The following USP32 variants were observed in gnomAD, a reference collection of about 807,000 sequenced individuals.
USP32 encodes the protein ubiquitin carboxyl-terminal hydrolase 32.
Under a neutral mutation model 204.8 loss-of-function variants are expected in USP32, and 59 were observed. The ratio of observed to expected loss-of-function variants is 0.29; its 90% CI spans 0.23 to 0.36. USP32 has a LOEUF of 0.36. Among genes scored for constraint, USP32 ranks in the 10% least tolerant of loss-of-function variants. The pLI is 1.00. For synonymous variants in USP32, 517 were observed against 678.4 expected, an observed-to-expected ratio of 0.76 and a Z score of 3.70; for missense variants, 1,160 against 1,946.4, an observed-to-expected ratio of 0.60 and a Z score of 7.60.
chr17:60,407,563 G>A (rs1197353145), intron 1 of USP32, among the ~76,000 whole-genome samples: 1 of 151,984 alleles, frequency 6.6e-6, no homozygotes, highest in Non-Finnish European at 1.5e-5. Flanking sequence ...TAACAATCTG[G>A]TACAACAAAG....
chr17:60,243,280 T>C (rs1440009634), intron 11 of USP32, among the ~76,000 whole-genome samples: 4 of 152,248 alleles, frequency 2.6e-5, no homozygotes, highest in African/African-American at 4.8e-5. Flanking sequence ...CAGGGTTTTC[T>C]ACACATAGGA....
At chr17:60,285,258 C>A (rs1395266739) in intron 5 of USP32, among the ~76,000 whole-genome samples, 8 of 152,054 alleles carry the variant, frequency 5.3e-5, no homozygotes, top group Non-Finnish European at 8.8e-5. Context: ...TAAAAAGGTT[C>A]CCTCAATATT....
chr17:60,186,113 T>C (rs8077996), intron 29 of USP32, among the ~76,000 whole-genome samples: 9,464 of 152,282 alleles, frequency 0.062, 1,054 homozygotes, highest in African/African-American at 0.22. Flanking sequence ...AGCACCTATA[T>C]ATTTATTCAC....
At chr17:60,193,941 T>C (rs1351121152) in intron 27 of USP32, among the ~76,000 whole-genome samples, 3 of 152,226 alleles carry the variant, frequency 2.0e-5, no homozygotes, top group Admixed American at 2.0e-4. Flanking sequence ...GTAGCACTCA[T>C]AGAAAGCTGT....
chr17:60,219,562 T>G (rs1488872714), intron 16 of USP32, 108 bp downstream of exon 16: 3 of 103,388 alleles, frequency 2.9e-5, no homozygotes, highest in South Asian at 3.2e-4. Context: ...AGTTTTCACC[T>G]TTTTTTTTTT....
At chr17:60,217,744 AT>A (rs1211690505) in intron 16 of USP32, among the ~76,000 whole-genome samples, 2 of 150,216 alleles carry the variant, frequency 1.3e-5, no homozygotes, top group Non-Finnish European at 3.0e-5. Flanking sequence ...TTCACTTTTT[AT>A]TTTTTTTTAA....
At chr17:60,285,275 A>C (rs990881931) in intron 5 of USP32, among the ~76,000 whole-genome samples, 1 of 152,218 alleles carries the variant, frequency 6.6e-6, no homozygotes, top group Non-Finnish European at 1.5e-5. Context: ...TATTTTAAGC[A>C]AAATAATTTT....
At chr17:60,264,347 T>C (rs1161084624) in intron 9 of USP32, among the ~76,000 whole-genome samples, 1 of 142,806 alleles carries the variant, frequency 7.0e-6, no homozygotes, top group Non-Finnish European at 1.5e-5. Context: ...CGAGACCTGG[T>C]CTCTACAAAA....
At chr17:60,198,211 T>C in intron 27 of USP32, 49 bp downstream of exon 27, 1 of 1,586,872 alleles carries the variant, frequency 6.3e-7, no homozygotes. Context: ...TATAGATTAT[T>C]TTTCTAGAGT....
chr17:60,242,072 ATC>A (rs1324088919), intron 11 of USP32, among the ~76,000 whole-genome samples: 1 of 152,172 alleles, frequency 6.6e-6, no homozygotes, highest in African/African-American at 2.4e-5. Flanking sequence ...GTCTAAAATA[ATC>A]TGTTTGTGTA....
intron 1 of USP32, among the ~76,000 whole-genome samples, chr17:60,374,289 A>T (rs564717676): frequency 1.3e-5 from 2 of 152,316 alleles, no homozygotes; most frequent in South Asian, 2.1e-4. Flanking sequence ...GTCCCACTGG[A>T]AAGTCTTCAG....
At chr17:60,303,791 A>G (rs1567840882) in intron 2 of USP32, among the ~76,000 whole-genome samples, 1 of 152,190 alleles carries the variant, frequency 6.6e-6, no homozygotes, top group Non-Finnish European at 1.5e-5. Context: ...TGGAGTTTGA[A>G]GAATGCTTTG....
chr17:60,378,868 T>G (rs1289061785), intron 1 of USP32, among the ~76,000 whole-genome samples: 1 of 152,108 alleles, frequency 6.6e-6, no homozygotes, highest in Non-Finnish European at 1.5e-5. Context: ...TGAATGTACT[T>G]CATGCCACTA....
chr17:60,368,539 C>T (rs1056895278), intron 1 of USP32, among the ~76,000 whole-genome samples: 6 of 151,376 alleles, frequency 4.0e-5, no homozygotes, highest in Non-Finnish European at 4.4e-5. Context: ...GCGGGGGAAA[C>T]GAGGGGAAAA....
At chr17:60,279,880 G>A (rs1028631030) in intron 5 of USP32, among the ~76,000 whole-genome samples, 1 of 150,106 alleles carries the variant, frequency 6.7e-6, no homozygotes, top group Non-Finnish European at 1.5e-5. Context: ...ATAATAAAAT[G>A]TTTAAACAGC....
intron 2 of USP32, among the ~76,000 whole-genome samples, chr17:60,311,766 A>C (rs1241416670): frequency 6.6e-6 from 1 of 152,188 alleles, no homozygotes; most frequent in African/African-American, 2.4e-5. Flanking sequence ...CGCACGTTGC[A>C]GTGAGCTGAG....
chr17:60,341,191 T>C lies in USP32; in HGVS notation c.186+4290A>G, dbSNP rs139169562. Among the ~76,000 whole-genome samples the C allele has an allele frequency of 2.6e-5, 4 of 152,238 alleles. No homozygotes were observed. In the East Asian group the frequency reaches 7.7e-4, roughly 29 times the overall value. ...AGGAGTATCTTTGTGGTGTTCTCTG[T>C]TCCTGAATTTGAATGTTGGCCTGCC... is the stretch of plus-strand genomic sequence containing the variant. On this transcript the variant is annotated intron_variant, in intron 2 of 33. Coordinates refer to ENST00000300896, the MANE Select transcript of USP32 (RefSeq NM_032582.4).
At chr17:60,327,200 C>G (rs2088262339) in intron 2 of USP32, among the ~76,000 whole-genome samples, 1 of 152,184 alleles carries the variant, frequency 6.6e-6, no homozygotes, top group Non-Finnish European at 1.5e-5. Context: ...TGTGTAATGG[C>G]CTATTTGACA....
At chr17:60,298,106 A>G (rs549748685) in intron 3 of USP32, among the ~76,000 whole-genome samples, 18 of 148,820 alleles carry the variant, frequency 1.2e-4, no homozygotes, top group Non-Finnish European at 1.5e-5. Context: ...CAAAGTAAAC[A>G]TCGGGCCTAA....
Sources: allele counts gnomAD v4.1 joint callset (sites outside exome capture counted in the v4.1 genomes callset), GRCh38; gene constraint gnomAD v4.1.1; transcripts MANE v1.5; gene names NCBI Gene and HGNC (gene_info 2026-07-23, HGNC 2026-07-21).